Variants in MYO3B observed in about 807,000 individuals in gnomAD.
MYO3B encodes myosin IIIB.
MYO3B carries 156 observed loss-of-function variants against 174.6 expected under a neutral mutation model. The ratio of observed to expected loss-of-function variants is 0.89; its 90% confidence interval spans 0.78 to 1.02. The LOEUF (loss-of-function observed/expected upper bound fraction) is 1.02, where lower values mean the gene tolerates loss of function less well. MYO3B is among the 50% of genes least tolerant of loss of function. The probability of loss-of-function intolerance (pLI) is 0.00; values close to 1 mark genes in which losing one functional copy is unlikely to be tolerated. For missense variants in MYO3B, 1,632 were observed against 1,639.4 expected (o/e 1.00, Z 0.08); for synonymous variants, 563 against 569.1 (o/e 0.99, Z 0.15).
At chr2:170,329,230 A>AGTGTGTGT (rs72422629) in intron 7 of MYO3B, among the ~76,000 whole-genome samples, 113 of 148,652 alleles carry the variant, frequency 7.6e-4, no homozygotes, top group African/African-American at 2.4e-3. Flanking sequence ...ACAGAAAAAC[A>AGTGTGTGT]GTGTGTGTGT....
At chr2:170,575,735 A>C (rs928664841) in intron 32 of MYO3B, among the ~76,000 whole-genome samples, 4 of 152,176 alleles carry the variant, frequency 2.6e-5, no homozygotes, top group Admixed American at 2.0e-4. Context: ...TTTCTTCCTT[A>C]ATACTTACCT....
chr2:170,277,934 A>G (rs1231872947), intron 7 of MYO3B, among the ~76,000 whole-genome samples: 1 of 152,206 alleles, frequency 6.6e-6, no homozygotes, highest in Non-Finnish European at 1.5e-5. Context: ...ATAGAAATTA[A>G]CTTTTCTATA....
intron 7 of MYO3B, among the ~76,000 whole-genome samples, chr2:170,315,653 G>A (rs940276209): frequency 3.3e-5 from 5 of 152,162 alleles, no homozygotes; most frequent in Non-Finnish European, 5.9e-5. Flanking sequence ...CCTATTGAAT[G>A]TTTACTTCAT....
chr2:170,487,020 C>T (rs763469135), intron 25 of MYO3B, among the ~76,000 whole-genome samples: 14 of 152,150 alleles, frequency 9.2e-5, no homozygotes, highest in Non-Finnish European at 1.9e-4. Flanking sequence ...ATATAGACTC[C>T]CAAGGTCCAG....
intron 32 of MYO3B, among the ~76,000 whole-genome samples, chr2:170,556,433 T>G (rs6739212): frequency 0.79 from 120,722 of 152,188 alleles, 48,475 homozygotes; most frequent in African/African-American, 0.87. Flanking sequence ...CAAACTGGCT[T>G]TACCATTTTG....
intron 1 of MYO3B, among the ~76,000 whole-genome samples, chr2:170,182,259 A>T (rs992368307): frequency 7.3e-5 from 11 of 150,402 alleles, no homozygotes; most frequent in African/African-American, 1.8e-4. Flanking sequence ...ATATTTTTTT[A>T]AAAAATTTTG....
chr2:170,534,986 C>T (rs1689594214), intron 30 of MYO3B, among the ~76,000 whole-genome samples: 1 of 152,146 alleles, frequency 6.6e-6, no homozygotes, highest in Admixed American at 6.5e-5. Flanking sequence ...ATTCAAATGT[C>T]ACTTTCTGTA....
chr2:170,602,837 C>G (rs1298830901), intron 32 of MYO3B, among the ~76,000 whole-genome samples: 1 of 152,170 alleles, frequency 6.6e-6, no homozygotes, highest in East Asian at 1.9e-4. Flanking sequence ...GAGGCCAAGG[C>G]AGGTAGATCA....
intron 7 of MYO3B, among the ~76,000 whole-genome samples, chr2:170,302,850 C>T (rs1379365844): frequency 6.6e-6 from 1 of 152,162 alleles, no homozygotes; most frequent in Non-Finnish European, 1.5e-5. Flanking sequence ...AGGATGCAGG[C>T]AGTTTTGGTG....
intron 16 of MYO3B, among the ~76,000 whole-genome samples, chr2:170,393,381 GC>G (rs1358924880): frequency 7.9e-5 from 12 of 151,910 alleles, no homozygotes; most frequent in Non-Finnish European, 1.5e-4. Flanking sequence ...ACCATGCCTG[GC>G]CAATACTGTA....
intron 7 of MYO3B, among the ~76,000 whole-genome samples, chr2:170,292,590 GT>G (rs1384094846): frequency 6.6e-6 from 1 of 151,852 alleles, no homozygotes. Context: ...TTATCACAAG[GT>G]TGCGGTTTCC....
chr2:170,491,107 A>G (rs1482140919), intron 25 of MYO3B, among the ~76,000 whole-genome samples: 1 of 151,820 alleles, frequency 6.6e-6, no homozygotes, highest in Admixed American at 6.6e-5. Flanking sequence ...TCTGGGTTTA[A>G]TTTGCTCTTC....
chr2:170,510,289 C>T (rs966633926), intron 28 of MYO3B, among the ~76,000 whole-genome samples: 1 of 152,060 alleles, frequency 6.6e-6, no homozygotes, highest in Non-Finnish European at 1.5e-5. Flanking sequence ...AAAAGGAGGC[C>T]TTATTTTTTA....
At chr2:170,499,622 G>A (rs1687095298) in intron 26 of MYO3B, 24 bp from the exon 27 acceptor site, 1 of 1,611,788 alleles carries the variant, frequency 6.2e-7, no homozygotes, top group Non-Finnish European at 8.5e-7. Context: ...CATATGTAAT[G>A]CTAAAACTAC....
chr2:170,612,176 C>T (rs1415374530), intron 32 of MYO3B, among the ~76,000 whole-genome samples: 1 of 152,212 alleles, frequency 6.6e-6, no homozygotes, highest in South Asian at 2.1e-4. Flanking sequence ...ACCTGTTCCA[C>T]TCTTTGGTCC....
intron 25 of MYO3B, among the ~76,000 whole-genome samples, chr2:170,489,636 T>C (rs35264340): frequency 7.6e-6 from 1 of 131,142 alleles, no homozygotes; most frequent in Non-Finnish European, 1.7e-5. Flanking sequence ...CCAGTAGGGG[T>C]GTGTGTGTGT....
intron 22 of MYO3B, among the ~76,000 whole-genome samples, chr2:170,424,436 G>A (rs55920022): frequency 0.052 from 7,843 of 152,156 alleles, 267 homozygotes; most frequent in Non-Finnish European, 0.068. Flanking sequence ...GGCCAACATG[G>A]TGAAACCCCG....
At chr2:170,369,120 G>A (rs2094219925) in intron 8 of MYO3B, 102 bp from the exon 9 acceptor site, 1 of 1,048,494 alleles carries the variant, frequency 9.5e-7, no homozygotes, top group Admixed American at 2.4e-5. Context: ...CAATGATCAG[G>A]TTTTATAAAT....
At chr2:170,499,581 C>T in intron 26 of MYO3B, 65 bp from the exon 27 acceptor site, 1 of 1,401,738 alleles carries the variant, frequency 7.1e-7, no homozygotes, top group Non-Finnish European at 1.0e-6. Context: ...TTAGAATATG[C>T]TGTAGTAGAG....
Sources: gnomAD v4.1 joint callset for allele counts (sites outside exome capture counted in the v4.1 genomes callset) on GRCh38, gnomAD v4.1.1 for gene constraint, MANE v1.5 for transcripts, NCBI Gene and HGNC (gene_info 2026-07-23, HGNC 2026-07-21) for gene names.